The following WDR59 variants were observed in gnomAD, a reference collection of about 807,000 sequenced individuals.
WDR59 encodes the protein WD repeat domain 59, also known as GATOR2 complex protein WDR59.
In WDR59, 100 loss-of-function variants were observed where a neutral mutation model predicts 131.2. The ratio of observed to expected loss-of-function variants is 0.76; its 90% confidence interval spans 0.65 to 0.90. The LOEUF (loss-of-function observed/expected upper bound fraction) is 0.90, where lower values mean the gene tolerates loss of function less well. WDR59 is among the 40% of genes least tolerant of loss of function. The pLI is 0.00. For synonymous variants in WDR59, 601 were observed against 466.2 expected (o/e 1.29, Z -3.72); for missense variants, 1,203 against 1,262.2 (o/e 0.95, Z 0.71).
At chr16:74,881,929 T>C (rs764051446) in intron 25 of WDR59, among the ~76,000 whole-genome samples, 3 of 151,982 alleles carry the variant, frequency 2.0e-5, no homozygotes, top group Non-Finnish European at 4.4e-5. Flanking sequence ...CTTTTACTGC[T>C]TTTGTCTGTG....
chr16:74,906,187 G>A (rs890740202), intron 17 of WDR59, among the ~76,000 whole-genome samples: 38 of 151,484 alleles, frequency 2.5e-4, no homozygotes, highest in Middle Eastern at 3.4e-3. Flanking sequence ...GGTGGCGGGC[G>A]CCTATAGGCC....
rs1013088326 is a variant in WDR59 at position 74,872,091 on chromosome 16, C to T, written c.*2118G>A. ...CCTGTGCACACATGTGCTGCACACA[C>T]GTAAACAAGTTACACAAAACATTTT... On this transcript the variant is annotated 3_prime_UTR_variant, in exon 26 of 26. Transcript: ENST00000262144. 1 of 152,208 alleles carries T rather than the reference C, an allele frequency of 6.6e-6. No homozygotes were observed. Among genetic ancestry groups the T allele is most frequent in the Non-Finnish European group, 1.5e-5 (1 of 68,034 alleles). The allele number at this position is 152,208 out of a possible 1,614,324, so 9.4% of individuals were successfully genotyped here.
At chr16:74,923,899 T>A in intron 9 of WDR59, 27 bp downstream of exon 9, 2 of 1,604,436 alleles carry the variant, frequency 1.2e-6, no homozygotes, top group Non-Finnish European at 1.7e-6. Flanking sequence ...AGAAGTTTCT[T>A]ATCAAGAGGC....
chr16:74,936,550 G>T (rs559787617), intron 8 of WDR59, among the ~76,000 whole-genome samples: 110 of 152,150 alleles, frequency 7.2e-4, no homozygotes, highest in African/African-American at 2.2e-3. Context: ...ATGCAGCCGG[G>T]CATGGTAGCT....
rs568799728 is a variant in WDR59 at position 74,927,683 on chromosome 16, A to ACACACAC, written c.652-3681_652-3680insGTGTGTG. ...GTTTTAGATTTGCTGCTCTTTAAAA[A>ACACACAC]ACACACACACACACACACACACACA... is the stretch of plus-strand genomic sequence containing the variant. On this transcript the variant is annotated intron_variant, in intron 8 of 25. Coordinates refer to ENST00000262144, the MANE Select transcript of WDR59 (RefSeq NM_030581.4). 2.1e-3 allele frequency among the ~76,000 whole-genome samples: 251 copies of ACACACAC among 118,242 alleles called. 1 individual carries two copies. Among genetic ancestry groups the ACACACAC allele is most frequent in the Middle Eastern group, 4.5e-3 (1 of 222 alleles). The allele number at this position is 118,242 out of a possible 152,430, so 77.6% of individuals were successfully genotyped here. A position where few individuals can be genotyped will look rare whatever the true frequency, so the allele number is the denominator to read the frequency against.
Position 74,917,977 on chromosome 16 carries a change from G to A in WDR59, c.918C>T (p.Ser306=), listed in dbSNP as rs148069815. The A allele has an allele frequency of 9.3e-6, 15 of 1,613,950 alleles. No individual in the cohort carries two copies. The highest frequency in any genetic ancestry group is 1.3e-5 in the African/African-American group (1 of 74,976). ...GSKDYQLVTW[S]RDQTLRMWRV... ...GCCACATTCTCAAGGTCTGATCCCGGGACCACGTCACCAGTTGATAGTCCT... is the reference window on the plus strand; with the variant it reads ...GCCACATTCTCAAGGTCTGATCCCGAGACCACGTCACCAGTTGATAGTCCT... The change falls in exon 11 of 26, where the codon TCC becomes TCT. Residue 306 remains serine (S), a synonymous_variant. Transcript: ENST00000262144.
intron 8 of WDR59, among the ~76,000 whole-genome samples, chr16:74,935,692 T>C (rs993077646): frequency 2.0e-5 from 3 of 152,106 alleles, no homozygotes; most frequent in African/African-American, 7.2e-5. Context: ...CTTTTCTAAG[T>C]TTCTTCACTT....
At chr16:74,909,429 T>C in intron 16 of WDR59, 72 bp downstream of exon 16, 2 of 1,465,780 alleles carry the variant, frequency 1.4e-6, no homozygotes, top group South Asian at 3.0e-5. Context: ...GATGAAGATG[T>C]TTATACAGAA....
At chr16:74,946,552 T>C (rs545309461) in intron 6 of WDR59, among the ~76,000 whole-genome samples, 63 of 152,092 alleles carry the variant, frequency 4.1e-4, no homozygotes, top group African/African-American at 1.4e-3. Flanking sequence ...TAAAACCCTG[T>C]CTCTACTAAA....
At chr16:74,968,116 T>A (rs2033845971) in intron 1 of WDR59, among the ~76,000 whole-genome samples, 1 of 152,104 alleles carries the variant, frequency 6.6e-6, no homozygotes, top group African/African-American at 2.4e-5. Flanking sequence ...GAATGGAGGT[T>A]GCCAGGGTCT....
chr16:74,963,498 C>G (rs952070591), intron 2 of WDR59, among the ~76,000 whole-genome samples: 1 of 152,000 alleles, frequency 6.6e-6, no homozygotes, highest in African/African-American at 2.4e-5. Context: ...AACAGAAAAC[C>G]AAATACTACA....
chr16:74,899,140 T>C (rs1965428850), intron 18 of WDR59, among the ~76,000 whole-genome samples: 1 of 152,046 alleles, frequency 6.6e-6, no homozygotes, highest in Non-Finnish European at 1.5e-5. Flanking sequence ...AAAGAGGATG[T>C]CCACAGCGGA....
chr16:74,901,347 T>C (rs1965540722), intron 18 of WDR59, among the ~76,000 whole-genome samples: 1 of 151,764 alleles, frequency 6.6e-6, no homozygotes, highest in Non-Finnish European at 1.5e-5. Context: ...TCTCACTCAT[T>C]TAAAGCTCTC....
chr16:74,911,517 G>A (rs940924373), intron 14 of WDR59, among the ~76,000 whole-genome samples: 3 of 152,140 alleles, frequency 2.0e-5, no homozygotes, highest in African/African-American at 7.2e-5. Context: ...GGCTCATGGG[G>A]CTTTGTCATG....
At chr16:74,942,581 G>A (rs1383614614) in intron 7 of WDR59, among the ~76,000 whole-genome samples, 157 bp downstream of exon 7, 2 of 152,052 alleles carry the variant, frequency 1.3e-5, no homozygotes, top group African/African-American at 2.4e-5. Context: ...GGATTGAGAC[G>A]CAAATATCGT....
At chr16:74,964,932 C>T (rs1002818385) in intron 2 of WDR59, among the ~76,000 whole-genome samples, 1 of 152,074 alleles carries the variant, frequency 6.6e-6, no homozygotes, top group Non-Finnish European at 1.5e-5. Flanking sequence ...GGCGTGGTGG[C>T]ACGTGCCTAT....
At chr16:74,968,288 A>C (rs1311400150) in intron 1 of WDR59, among the ~76,000 whole-genome samples, 1 of 152,210 alleles carries the variant, frequency 6.6e-6, no homozygotes. Flanking sequence ...AAAGGGTGAG[A>C]GATTCAACAT....
rs1057054585 is a variant in WDR59, at chr16:74,925,389, C to T, written c.652-1386G>A. 5.9e-5 allele frequency among the ~76,000 whole-genome samples: 9 copies of T among 151,922 alleles called. 1 individual carries two copies. The highest frequency in any genetic ancestry group is 4.6e-4 in the Admixed American group (7 of 15,252). ...CGAAACCCCATCTCTACCAAAAATACAAAAATTAGCTGGGCATGGTGGCAC... is the reference window on the plus strand; with the variant it reads ...CGAAACCCCATCTCTACCAAAAATATAAAAATTAGCTGGGCATGGTGGCAC... On this transcript the variant is annotated intron_variant, in intron 8 of 25. Transcript: ENST00000262144.
At chr16:74,959,382 G>C (rs996664561) in intron 2 of WDR59, 18 of 317,122 alleles carry the variant, frequency 5.7e-5, no homozygotes, top group Non-Finnish European at 1.1e-4. Flanking sequence ...CACTTAAAGA[G>C]AGATGCCAGT....
Sources: gnomAD v4.1 joint callset for allele counts (sites outside exome capture counted in the v4.1 genomes callset) on GRCh38, gnomAD v4.1.1 for gene constraint, MANE v1.5 for transcripts, NCBI Gene and HGNC (gene_info 2026-07-23, HGNC 2026-07-21) for gene names.